Variants in SLC13A3 observed in about 807,000 individuals in gnomAD.
SLC13A3 encodes the protein solute carrier family 13 member 3, also known as Na(+)/dicarboxylate cotransporter 3.
In SLC13A3, 40 loss-of-function variants were observed where a neutral mutation model predicts 59.0. The observed-to-expected ratio is 0.68, with a 90% CI of 0.53 to 0.88. The LOEUF is 0.88. SLC13A3 is among the 40% of genes least tolerant of loss of function. The pLI is 0.00. For synonymous variants in SLC13A3, 317 were observed against 330.3 expected, an observed-to-expected ratio of 0.96 and a Z score of 0.44; for missense variants, 699 against 783.2, an observed-to-expected ratio of 0.89 and a Z score of 1.28.
intron 1 of SLC13A3, among the ~76,000 whole-genome samples, chr20:46,658,015 T>A (rs2063004961): frequency 6.6e-6 from 1 of 152,078 alleles, no homozygotes; most frequent in African/African-American, 2.4e-5. Context: ...GGGGGTTCAT[T>A]ACTGCTGGGG....
chr20:46,637,872 C>T (rs923152633), intron 1 of SLC13A3, among the ~76,000 whole-genome samples: 8 of 152,114 alleles, frequency 5.3e-5, no homozygotes, highest in Non-Finnish European at 1.2e-4. Flanking sequence ...CCTCCTCCAT[C>T]CCCCAGGAGG....
intron 1 of SLC13A3, among the ~76,000 whole-genome samples, chr20:46,659,720 C>A (rs574396599): frequency 1.2e-4 from 18 of 148,850 alleles, no homozygotes; most frequent in South Asian, 4.3e-4. Context: ...TATCCCCCCC[C>A]CCCAAAAAAA....
At chr20:46,650,405 C>T (rs919206669) in intron 1 of SLC13A3, among the ~76,000 whole-genome samples, 9 of 152,118 alleles carry the variant, frequency 5.9e-5, no homozygotes, top group African/African-American at 1.4e-4. Context: ...CCCTCTGAGA[C>T]GCGTTGAAAT....
At chr20:46,646,376 G>C (rs1365565408) in intron 1 of SLC13A3, among the ~76,000 whole-genome samples, 1 of 152,202 alleles carries the variant, frequency 6.6e-6, no homozygotes, top group African/African-American at 2.4e-5. Context: ...CTGATGTGAA[G>C]AGTAAATGAG....
chr20:46,591,053 C>T (rs1487855771), intron 6 of SLC13A3, among the ~76,000 whole-genome samples: 1 of 151,550 alleles, frequency 6.6e-6, no homozygotes, highest in Admixed American at 6.6e-5. Flanking sequence ...GCCTGTAGTC[C>T]CAGCTACTCT....
At chr20:46,599,874 C>A in intron 4 of SLC13A3, 97 bp downstream of exon 4, 1 of 931,450 alleles carries the variant, frequency 1.1e-6, no homozygotes, top group Non-Finnish European at 1.6e-6. Flanking sequence ...GAGAAAAATT[C>A]AGGGATGGGA....
intron 1 of SLC13A3, among the ~76,000 whole-genome samples, chr20:46,622,596 A>T: frequency 6.7e-6 from 1 of 149,268 alleles, no homozygotes. Flanking sequence ...CCTCTAACTC[A>T]ACAGGAATTG....
At chr20:46,570,949 T>C (rs1476228639) in intron 10 of SLC13A3, among the ~76,000 whole-genome samples, 1 of 152,144 alleles carries the variant, frequency 6.6e-6, no homozygotes, top group Non-Finnish European at 1.5e-5. Context: ...GTGTGGGTAA[T>C]TTATAAAGGA....
intron 1 of SLC13A3, among the ~76,000 whole-genome samples, chr20:46,675,205 A>G (rs575959487): frequency 3.0e-4 from 46 of 151,506 alleles, no homozygotes; most frequent in Non-Finnish European, 6.0e-4. Context: ...GGGGAAGTGG[A>G]GTGGTTTTCC....
At chr20:46,561,898 C>T (rs2061935022) in intron 12 of SLC13A3, among the ~76,000 whole-genome samples, 1 of 152,090 alleles carries the variant, frequency 6.6e-6, no homozygotes, top group African/African-American at 2.4e-5. Flanking sequence ...TTAGCTACTT[C>T]ATTAACACCT....
At chr20:46,640,117 T>C (rs1022222738) in intron 1 of SLC13A3, among the ~76,000 whole-genome samples, 1 of 152,210 alleles carries the variant, frequency 6.6e-6, no homozygotes, top group Admixed American at 6.5e-5. Flanking sequence ...GTGCTGGCTG[T>C]GGCTCTTTTG....
chr20:46,589,105 C>T, intron 7 of SLC13A3, 55 bp downstream of exon 7: 1 of 1,492,354 alleles, frequency 6.7e-7, no homozygotes, highest in Non-Finnish European at 9.3e-7. Context: ...CAGGAGGAAG[C>T]TCTCCTGAGC....
At chr20:46,593,296 A>C (rs126917) in intron 5 of SLC13A3, among the ~76,000 whole-genome samples, 41,765 of 152,094 alleles carry the variant, frequency 0.27, 7,491 homozygotes, top group East Asian at 0.49. Flanking sequence ...TTTACCCAGA[A>C]ATTCTACTAC....
upstream of SLC13A3, among the ~76,000 whole-genome samples, chr20:46,674,619 G>GTGTA (rs1222970724): frequency 6.6e-6 from 1 of 151,594 alleles, no homozygotes; most frequent in Non-Finnish European, 1.5e-5. Context: ...GTGTGTGTGT[G>GTGTA]TGTGTGTGTG....
upstream of SLC13A3, among the ~76,000 whole-genome samples, chr20:46,656,328 T>A (rs2062991326): frequency 8.3e-6 from 1 of 120,536 alleles, no homozygotes; most frequent in Non-Finnish European, 1.7e-5. Context: ...CTGTATATGA[T>A]ATACTATACA....
rs1157237183 is a variant in SLC13A3 at position 46,588,093 on chromosome 20, A to C, written c.1087T>G (p.Phe363Val). ...AAGAGGCTGGCCCAGCCAGGGATGA[A>C]CTTCGGGTCCCGGGTGAAGAGGAGG... ...AILLFTRDPK[F>V]IPGWASLFNP... The change falls in exon 8 of 13, where the codon TTC (phenylalanine) becomes GTC (valine). Residue 363 changes from phenylalanine (F) to valine (V), a missense_variant. Physicochemically the swap from Phe to Val is conservative, Grantham distance 50. Coordinates refer to ENST00000279027, the MANE Select transcript of SLC13A3 (RefSeq NM_022829.6). The C allele has an allele frequency of 6.2e-7, 1 of 1,612,684 alleles. No individual in the cohort carries two copies. The highest frequency in any genetic ancestry group is 1.7e-5 in the Admixed American group (1 of 59,862).
At chr20:46,622,841 A>G (rs2062630407) in intron 1 of SLC13A3, among the ~76,000 whole-genome samples, 1 of 152,204 alleles carries the variant, frequency 6.6e-6, no homozygotes, top group African/African-American at 2.4e-5. Flanking sequence ...ACTTTTTACC[A>G]ATAACTTTGA....
Position 46,648,934 on chromosome 20 carries a change from C to CAT in SLC13A3, c.111+2376_111+2377insAT, listed in dbSNP as rs2062924459. On this transcript the variant is annotated intron_variant, in intron 1 of 12. Coordinates refer to ENST00000279027, the MANE Select transcript of SLC13A3 (RefSeq NM_022829.6). ...TCTCTCTCACACACACACACACACA[C>CAT]ACACACATACACACACACACACACA... Among the ~76,000 whole-genome samples, 11 of 144,378 alleles carry CAT rather than the reference C, an allele frequency of 7.6e-5. No individual in the cohort carries two copies. The South Asian group carries it at 8.4e-4, about 11-fold the overall frequency. The allele number at this position is 144,378 out of a possible 152,430, so 94.7% of individuals were successfully genotyped here. A position where few individuals can be genotyped will look rare whatever the true frequency, so the allele number is the denominator to read the frequency against.
chr20:46,592,568 C>T (rs2122682123), intron 5 of SLC13A3, 39 bp from the exon 6 acceptor site: 2 of 1,609,740 alleles, frequency 1.2e-6, no homozygotes, highest in Non-Finnish European at 1.7e-6. Flanking sequence ...CCAAGGGCAG[C>T]CATGCCCATT....
Sources: allele counts gnomAD v4.1 joint callset (sites outside exome capture counted in the v4.1 genomes callset), GRCh38; gene constraint gnomAD v4.1.1; transcripts MANE v1.5; gene names NCBI Gene and HGNC (gene_info 2026-07-23, HGNC 2026-07-21).